The following CSGALNACT1 variants were observed in gnomAD, a reference collection of about 807,000 sequenced individuals.
The protein encoded by CSGALNACT1 is beta4GalNAcT-1.
CSGALNACT1 carries 52 observed loss-of-function variants against 51.0 expected under a neutral mutation model. The ratio of observed to expected loss-of-function variants is 1.02; its 90% CI spans 0.82 to 1.29. The LOEUF (loss-of-function observed/expected upper bound fraction) is 1.29, where lower values mean the gene tolerates loss of function less well. Among genes scored for constraint, CSGALNACT1 ranks in the 50% most tolerant of loss-of-function variants. The pLI is 0.00. For missense variants in CSGALNACT1, 935 were observed against 679.2 expected, an observed-to-expected ratio of 1.38 and a Z score of -4.19; for synonymous variants, 341 against 254.4, an observed-to-expected ratio of 1.34 and a Z score of -3.24.
In CSGALNACT1 at chr8:19,555,075, C is replaced by T. The variant is rs941786144; in HGVS notation, c.-297+36085G>A. Among the ~76,000 whole-genome samples the T allele has an allele frequency of 3.3e-5, 5 of 151,000 alleles. No individual in the cohort carries two copies. The East Asian group carries it at 9.8e-4, about 30-fold the overall frequency. ...CCAACATGGTGAAACCTTGTCTCTACTAAAAATACAAAAATTAGCCGGGCG... is the reference window on the plus strand; with the variant it reads ...CCAACATGGTGAAACCTTGTCTCTATTAAAAATACAAAAATTAGCCGGGCG... On this transcript the variant is annotated intron_variant, in intron 3 of 9. Transcript: ENST00000454498.
At chr8:19,506,995 G>A (rs996501687) in intron 3 of CSGALNACT1, among the ~76,000 whole-genome samples, 2 of 152,334 alleles carry the variant, frequency 1.3e-5, no homozygotes, top group South Asian at 2.1e-4. Context: ...TCACCTGTGT[G>A]CACTCACTTA....
At chr8:19,740,770 G>A (rs1308626439) in intron 1 of CSGALNACT1, among the ~76,000 whole-genome samples, 1 of 152,196 alleles carries the variant, frequency 6.6e-6, no homozygotes, top group African/African-American at 2.4e-5. Context: ...CCTGGGGTGA[G>A]GGAGTGGGAG....
At chr8:19,611,700 T>C (rs933192159) in intron 1 of CSGALNACT1, among the ~76,000 whole-genome samples, 2 of 152,214 alleles carry the variant, frequency 1.3e-5, no homozygotes, top group Non-Finnish European at 2.9e-5. Flanking sequence ...CTCATACCTC[T>C]GATGGCTTAA....
intron 6 of CSGALNACT1, among the ~76,000 whole-genome samples, chr8:19,428,305 G>C (rs1346513739): frequency 2.0e-5 from 3 of 152,158 alleles, no homozygotes; most frequent in East Asian, 3.9e-4. Context: ...TTGCCTCACA[G>C]TTCCATGTGG....
intron 4 of CSGALNACT1, among the ~76,000 whole-genome samples, chr8:19,471,160 G>A (rs958160923): frequency 3.9e-5 from 6 of 151,982 alleles, no homozygotes; most frequent in African/African-American, 1.2e-4. Flanking sequence ...GGTGAAGTAT[G>A]ATCTTGGGGC....
intron 3 of CSGALNACT1, among the ~76,000 whole-genome samples, chr8:19,522,054 G>T (rs2080834614): frequency 6.6e-6 from 1 of 152,160 alleles, no homozygotes; most frequent in Admixed American, 6.5e-5. Flanking sequence ...GCAGTTGTTT[G>T]GTTTCTTGAA....
At chr8:19,600,762 G>A (rs895703815) in intron 2 of CSGALNACT1, among the ~76,000 whole-genome samples, 2 of 150,952 alleles carry the variant, frequency 1.3e-5, no homozygotes, top group Admixed American at 6.6e-5. Flanking sequence ...GTTCATTAAT[G>A]CAAAATCAAA....
intron 3 of CSGALNACT1, among the ~76,000 whole-genome samples, chr8:19,533,902 G>C (rs1230914740): frequency 6.6e-6 from 1 of 152,038 alleles, no homozygotes; most frequent in Non-Finnish European, 1.5e-5. Context: ...AAAACCATGA[G>C]GGGAAGAAAA....
At chr8:19,569,957 C>T (rs2042656039) in intron 3 of CSGALNACT1, among the ~76,000 whole-genome samples, 1 of 152,128 alleles carries the variant, frequency 6.6e-6, no homozygotes, top group South Asian at 2.1e-4. Flanking sequence ...GGAAGATATA[C>T]TCTATGATGC....
intron 6 of CSGALNACT1, among the ~76,000 whole-genome samples, chr8:19,423,493 C>G (rs2058279218): frequency 6.6e-6 from 1 of 152,106 alleles, no homozygotes; most frequent in Non-Finnish European, 1.5e-5. Flanking sequence ...CATGAATCCC[C>G]TAACCCTGGC....
At chr8:19,721,522 G>A (rs1258489301) in intron 1 of CSGALNACT1, among the ~76,000 whole-genome samples, 1 of 152,176 alleles carries the variant, frequency 6.6e-6, no homozygotes, top group African/African-American at 2.4e-5. Context: ...AAAGCCTGAT[G>A]GACCATGACA....
intron 4 of CSGALNACT1, among the ~76,000 whole-genome samples, chr8:19,482,570 C>G (rs574914423): frequency 6.6e-6 from 1 of 152,282 alleles, no homozygotes; most frequent in African/African-American, 2.4e-5. Context: ...GCCGCTTTCT[C>G]TCCTTGTGTT....
rs2060144277 is a variant in CSGALNACT1, at chr8:19,675,943, T to C, written c.-544+6530A>G. Among the ~76,000 whole-genome samples the C allele has an allele frequency of 3.3e-5, 5 of 152,060 alleles. No individual in the cohort carries two copies. In the South Asian group the frequency reaches 1.0e-3, roughly 32 times the overall value. ...GCCCAAATCTCAAAGTAATCCCTGG[T>C]GATACAATTTCAGGACAGACCCAAA... On this transcript the variant is annotated intron_variant, in intron 1 of 9. Transcript: ENST00000332246.
chr8:19,699,799 T>C (rs773939335), intron 1 of CSGALNACT1, among the ~76,000 whole-genome samples: 18 of 152,168 alleles, frequency 1.2e-4, no homozygotes, highest in Non-Finnish European at 2.4e-4. Flanking sequence ...ATGTTCAGTG[T>C]ATTTCATCAA....
At chr8:19,630,214 G>C (rs1368351986) in intron 1 of CSGALNACT1, among the ~76,000 whole-genome samples, 2 of 143,474 alleles carry the variant, frequency 1.4e-5, no homozygotes, top group African/African-American at 2.7e-5. Context: ...GTGTGTGTGT[G>C]TGTGTGTGTG....
chr8:19,702,570 C>G (rs2061940045), intron 1 of CSGALNACT1, among the ~76,000 whole-genome samples: 1 of 152,090 alleles, frequency 6.6e-6, no homozygotes, highest in African/African-American at 2.4e-5. Flanking sequence ...GCTCCCAGCC[C>G]TTTCCCACCT....
intron 4 of CSGALNACT1, among the ~76,000 whole-genome samples, chr8:19,469,113 A>G (rs567496454): frequency 1.3e-5 from 2 of 152,140 alleles, no homozygotes; most frequent in African/African-American, 4.8e-5. Flanking sequence ...CACTGCCCTG[A>G]GTGCGGTGGC....
At chr8:19,428,101 T>C (rs1563340707) in intron 6 of CSGALNACT1, among the ~76,000 whole-genome samples, 1 of 152,148 alleles carries the variant, frequency 6.6e-6, no homozygotes, top group Non-Finnish European at 1.5e-5. Context: ...GCATGTGCCA[T>C]TTCTCCTTGC....
At chr8:19,466,695 A>T (rs191209733) in intron 4 of CSGALNACT1, among the ~76,000 whole-genome samples, 1 of 152,256 alleles carries the variant, frequency 6.6e-6, no homozygotes, top group East Asian at 1.9e-4. Flanking sequence ...GACTGCTATA[A>T]ATCCTCACAT....
Sources: allele counts gnomAD v4.1 joint callset (sites outside exome capture counted in the v4.1 genomes callset), GRCh38; gene constraint gnomAD v4.1.1; transcripts MANE v1.5; gene names NCBI Gene and HGNC (gene_info 2026-07-23, HGNC 2026-07-21).